Variants in FGF14 observed in about 807,000 individuals in gnomAD.
FGF14 encodes fibroblast growth factor homologous factor 4.
Under a neutral mutation model 25.5 loss-of-function variants are expected in FGF14, and 5 were observed. The observed-to-expected ratio is 0.20, with a 90% CI of 0.10 to 0.41. FGF14 has a LOEUF of 0.41. Ranked by LOEUF, FGF14 falls within the 10% of genes least tolerant of loss-of-function variation. The pLI, the probability that FGF14 is intolerant of heterozygous loss-of-function variation, is 1.00. For missense variants in FGF14, 222 were observed against 320.1 expected (o/e 0.69, Z 2.34); for synonymous variants, 138 against 118.3 (o/e 1.17, Z -1.08).
rs146585994 is a variant in FGF14, at chr13:102,363,114, C to T, written c.208+38357G>A. Among the ~76,000 whole-genome samples the T allele has an allele frequency of 4.1e-3, 621 of 152,004 alleles. 2 individuals carry two copies. The highest frequency in any genetic ancestry group is 0.014 in the African/African-American group (576 of 41,466). Reference sequence around the variant, plus strand: ...ATACAATAAAATTCAATGTTTTAAGCGATATACACATCTGAAAGAAAAATG... The same window carrying T: ...ATACAATAAAATTCAATGTTTTAAGTGATATACACATCTGAAAGAAAAATG... On this transcript the variant is annotated intron_variant, in intron 1 of 4. Transcript: ENST00000376131.
At chr13:102,094,103 C>T (rs1188103907) in intron 1 of FGF14, among the ~76,000 whole-genome samples, 2 of 146,968 alleles carry the variant, frequency 1.4e-5, no homozygotes, top group African/African-American at 2.5e-5. Context: ...ACTCATGAAG[C>T]CACTGCTGCA....
intron 1 of FGF14, among the ~76,000 whole-genome samples, chr13:102,233,031 C>T (rs2051152565): frequency 6.6e-6 from 1 of 152,164 alleles, no homozygotes; most frequent in Non-Finnish European, 1.5e-5. Context: ...TCTTGCCCCT[C>T]TCACTTTCTC....
rs779259682 is a variant in FGF14 at position 102,324,064 on chromosome 13, T to C, written c.208+77407A>G. 7.2e-5 allele frequency among the ~76,000 whole-genome samples: 11 copies of C among 151,994 alleles called. 1 individual carries two copies. The highest frequency in any genetic ancestry group is 1.5e-4 in the Non-Finnish European group (10 of 67,998). ...GCACACATCTGGAGGCATTATCATA[T>C]ATATCCTTGTCTGATTTTATGGGAA... is the stretch of plus-strand genomic sequence containing the variant. On this transcript the variant is annotated intron_variant, in intron 1 of 4. Coordinates refer to the FGF14 transcript ENST00000376131.
At chr13:102,208,667 G>T (rs549790753) in intron 1 of FGF14, among the ~76,000 whole-genome samples, 127 of 152,188 alleles carry the variant, frequency 8.3e-4, no homozygotes, top group African/African-American at 2.9e-3. Flanking sequence ...TAAATGTGAG[G>T]ATTATTACAT....
intron 1 of FGF14, among the ~76,000 whole-genome samples, chr13:102,334,562 T>A (rs550351983): frequency 6.6e-6 from 1 of 152,240 alleles, no homozygotes; most frequent in East Asian, 1.9e-4. Context: ...TGCCTCAAGA[T>A]GATCCTCCCA....
chr13:102,093,848 G>C (rs951442444), intron 1 of FGF14, among the ~76,000 whole-genome samples: 1 of 151,168 alleles, frequency 6.6e-6, no homozygotes, highest in Non-Finnish European at 1.5e-5. Context: ...GAGGAGAGGA[G>C]ATAAGACTCA....
intron 1 of FGF14, among the ~76,000 whole-genome samples, chr13:101,936,294 A>T (rs1308497939): frequency 6.6e-6 from 1 of 152,132 alleles, no homozygotes; most frequent in Admixed American, 6.5e-5. Flanking sequence ...TTCACAGTTG[A>T]TTTATTAGTG....
At chr13:102,013,300 T>C (rs143100700) in intron 1 of FGF14, among the ~76,000 whole-genome samples, 1 of 152,310 alleles carries the variant, frequency 6.6e-6, no homozygotes, top group East Asian at 1.9e-4. Context: ...TCAGGTGTGC[T>C]AAAATTTAAT....
intron 1 of FGF14, among the ~76,000 whole-genome samples, chr13:102,222,495 C>T (rs193194895): frequency 7.2e-4 from 110 of 152,294 alleles, no homozygotes; most frequent in Admixed American, 2.0e-3. Context: ...GCTTAAATAC[C>T]TCCAGTAGTC....
chr13:102,020,995 G>T (rs2040618714), intron 1 of FGF14, among the ~76,000 whole-genome samples: 1 of 151,934 alleles, frequency 6.6e-6, no homozygotes, highest in South Asian at 2.1e-4. Flanking sequence ...AGTAGGTTGT[G>T]GTCAGAGTAC....
At chr13:101,922,108 T>C (rs2034046855) in intron 1 of FGF14, among the ~76,000 whole-genome samples, 1 of 152,202 alleles carries the variant, frequency 6.6e-6, no homozygotes. Flanking sequence ...GATTTGTGTA[T>C]TGAAAGGATT....
At chr13:102,220,017 T>C (rs1225764363) in intron 1 of FGF14, among the ~76,000 whole-genome samples, 3 of 152,146 alleles carry the variant, frequency 2.0e-5, no homozygotes, top group African/African-American at 7.2e-5. Context: ...AGTTTTCATA[T>C]GATAATTATT....
intron 1 of FGF14, among the ~76,000 whole-genome samples, chr13:102,004,434 T>C (rs996997079): frequency 7.2e-5 from 11 of 152,216 alleles, no homozygotes; most frequent in African/African-American, 2.7e-4. Context: ...GGGAGCCTTC[T>C]TTTGAAACCA....
chr13:101,778,814 G>A (rs1571359), intron 3 of FGF14: 143,816 of 152,072 alleles, frequency 0.95, 68,603 homozygotes, highest in East Asian at 1. Flanking sequence ...AACAGCTTCT[G>A]CTTGTTTTGT....
chr13:101,943,654 C>T (rs533154183), intron 1 of FGF14, among the ~76,000 whole-genome samples: 5 of 151,966 alleles, frequency 3.3e-5, no homozygotes, highest in Non-Finnish European at 7.4e-5. Flanking sequence ...GCACAAACTC[C>T]GTAAGCCTCT....
intron 1 of FGF14, among the ~76,000 whole-genome samples, chr13:102,372,356 T>G (rs1302671036): frequency 6.6e-6 from 1 of 152,144 alleles, no homozygotes; most frequent in Non-Finnish European, 1.5e-5. Context: ...TGAGGCCTAT[T>G]TATACTAACA....
chr13:102,219,151 T>C (rs1352729872), intron 1 of FGF14, among the ~76,000 whole-genome samples: 1 of 152,240 alleles, frequency 6.6e-6, no homozygotes, highest in African/African-American at 2.4e-5. Flanking sequence ...GTCACCCTGT[T>C]GTGCTAACTC....
chr13:101,750,237 A>G (rs181315089), intron 3 of FGF14, among the ~76,000 whole-genome samples: 89 of 152,280 alleles, frequency 5.8e-4, no homozygotes, highest in Non-Finnish European at 1.1e-3. Context: ...AATAAGATAC[A>G]GCAATCTTTA....
intron 1 of FGF14, among the ~76,000 whole-genome samples, chr13:102,143,664 C>T (rs547557169): frequency 1.5e-4 from 23 of 152,318 alleles, no homozygotes; most frequent in African/African-American, 5.5e-4. Context: ...GTTATTCAAG[C>T]TTTAACCCAT....
Sources: allele counts gnomAD v4.1 joint callset (sites outside exome capture counted in the v4.1 genomes callset), GRCh38; gene constraint gnomAD v4.1.1; transcripts MANE v1.5; gene names NCBI Gene and HGNC (gene_info 2026-07-23, HGNC 2026-07-21).